The following PHF21B variants were observed in gnomAD, a reference collection of about 807,000 sequenced individuals.
PHF21B encodes PHD finger protein 21B.
Under a neutral mutation model 62.2 loss-of-function variants are expected in PHF21B, and 22 were observed. That is an observed-to-expected ratio of 0.35 (90% confidence interval 0.25 to 0.51). The LOEUF is 0.51. Ranked by LOEUF, PHF21B falls within the 20% of genes least tolerant of loss-of-function variation. PHF21B has a pLI of 0.97. For synonymous variants in PHF21B, 341 were observed against 314.7 expected (o/e 1.08, Z -0.88); for missense variants, 701 against 707.9 (o/e 0.99, Z 0.11).
intron 8 of PHF21B, 72 bp from the exon 9 acceptor site, chr22:44,889,854 T>A: frequency 7.0e-7 from 1 of 1,430,142 alleles, no homozygotes; most frequent in African/African-American, 1.5e-5. Context: ...CTGGAGTCCA[T>A]GAGGCCTCAT....
At chr22:44,946,352 C>T (rs1287079796) in intron 2 of PHF21B, among the ~76,000 whole-genome samples, 10 of 152,180 alleles carry the variant, frequency 6.6e-5, no homozygotes, top group African/African-American at 2.4e-4. Context: ...GCCCTCCCGA[C>T]ATGCCTACAA....
At position 45,009,043 on chromosome 22, in the gene PHF21B, C is replaced by A; in HGVS notation, c.55-433G>T. 8.8e-7 allele frequency: 1 copy of A among 1,137,208 alleles called. No homozygotes were observed. The highest frequency in any genetic ancestry group is 1.1e-6 in the Non-Finnish European group (1 of 927,042). 70.4% of individuals were successfully genotyped at this position (1,137,208 alleles called of 1,614,324 possible). ...CAACACACACACGCGCACGCCGAGC[C>A]CCGCTCAGGCTCCGGCCGCCACGCC... On this transcript the variant is annotated intron_variant, in intron 1 of 12. Coordinates refer to ENST00000313237, the MANE Select transcript of PHF21B (RefSeq NM_138415.5). This position sits in a 1 kb window ranked among gnomAD's most constrained non-coding sequence, Gnocchi z 5.9.
At chr22:44,907,131 G>A (rs1389381838) in intron 5 of PHF21B, among the ~76,000 whole-genome samples, 6 of 152,222 alleles carry the variant, frequency 3.9e-5, no homozygotes, top group Non-Finnish European at 8.8e-5. Context: ...AAACCCCAGG[G>A]CAGCTGAGGC....
At chr22:44,997,487 T>C (rs1197949805) in intron 2 of PHF21B, among the ~76,000 whole-genome samples, 1 of 152,116 alleles carries the variant, frequency 6.6e-6, no homozygotes, top group Non-Finnish European at 1.5e-5. Context: ...ACCCAGAGTT[T>C]AACAAATAAT....
intron 2 of PHF21B, among the ~76,000 whole-genome samples, chr22:44,995,463 T>G (rs374800596): frequency 1.8e-4 from 27 of 152,288 alleles, no homozygotes; most frequent in African/African-American, 6.5e-4. Context: ...TTCCACTTAC[T>G]TATCTAAATG....
intron 3 of PHF21B, among the ~76,000 whole-genome samples, chr22:44,917,528 A>G (rs1369390147): frequency 6.6e-6 from 1 of 152,098 alleles, no homozygotes; most frequent in Non-Finnish European, 1.5e-5. Context: ...GCCTTGAGAG[A>G]CAAGGGGACA....
intron 5 of PHF21B, among the ~76,000 whole-genome samples, chr22:44,898,474 A>C (rs1471335265): frequency 6.6e-6 from 1 of 152,132 alleles, no homozygotes; most frequent in Admixed American, 6.5e-5. Context: ...CCGTGCCCCC[A>C]TACCATACTT....
intron 2 of PHF21B, among the ~76,000 whole-genome samples, chr22:44,961,190 C>T (rs535911374): frequency 2.0e-5 from 3 of 151,868 alleles, no homozygotes; most frequent in African/African-American, 7.3e-5. Flanking sequence ...CTCTTGACCT[C>T]GTGATCCACC....
chr22:44,892,102 G>A (rs552413446), intron 7 of PHF21B, among the ~76,000 whole-genome samples: 4 of 152,196 alleles, frequency 2.6e-5, no homozygotes, highest in African/African-American at 7.2e-5. Flanking sequence ...GTAACGCCTC[G>A]TCCACACAGC....
At chr22:44,944,597 C>T (rs374158961) in intron 2 of PHF21B, among the ~76,000 whole-genome samples, 2 of 152,308 alleles carry the variant, frequency 1.3e-5, no homozygotes, top group African/African-American at 4.8e-5. Context: ...AAGTCCACTC[C>T]TGAGCCTGCC....
chr22:44,920,960 C>T (rs758819692), intron 2 of PHF21B, among the ~76,000 whole-genome samples: 1 of 152,228 alleles, frequency 6.6e-6, no homozygotes, highest in Non-Finnish European at 1.5e-5. Flanking sequence ...ATAAACAATG[C>T]TGCAGCGAAC....
rs891446090 is a variant in PHF21B at position 44,900,322 on chromosome 22, T to G, written c.832-4239A>C. Among the ~76,000 whole-genome samples the G allele has an allele frequency of 5.9e-5, 9 of 152,212 alleles. No homozygotes were observed. The East Asian group carries it at 1.5e-3, about 26-fold the overall frequency. On this transcript the variant is annotated intron_variant, in intron 5 of 12. Transcript: ENST00000313237. ...AACATTTCCTGAGCTCTCCAAAGAT[T>G]TACAACTTTTTTTTGTTGCCCAGAC...
intron 2 of PHF21B, among the ~76,000 whole-genome samples, chr22:44,983,955 G>A (rs935805068): frequency 2.0e-5 from 3 of 151,730 alleles, no homozygotes; most frequent in Non-Finnish European, 4.4e-5. Flanking sequence ...CTGGAGCTGG[G>A]CCCCTTTCCG....
chr22:45,008,931 G>T (rs1480274470), intron 1 of PHF21B: 1 of 1,111,288 alleles, frequency 9.0e-7, no homozygotes, highest in Non-Finnish European at 1.1e-6. Context: ...TGTGCCGGGG[G>T]AGGGGGGAGG....
chr22:44,972,379 A>G (rs1226707044), intron 2 of PHF21B, among the ~76,000 whole-genome samples: 1 of 152,196 alleles, frequency 6.6e-6, no homozygotes, highest in Non-Finnish European at 1.5e-5. Flanking sequence ...TCATTTTGTT[A>G]AGAGGGGAAA....
chr22:44,988,689 G>A (rs920068281), intron 2 of PHF21B, among the ~76,000 whole-genome samples: 1 of 152,322 alleles, frequency 6.6e-6, no homozygotes. Context: ...GTTTAATTGA[G>A]AAAGGTCTGC....
intron 5 of PHF21B, among the ~76,000 whole-genome samples, chr22:44,896,756 T>G (rs577107006): frequency 6.6e-6 from 1 of 152,232 alleles, no homozygotes; most frequent in Non-Finnish European, 1.5e-5. Flanking sequence ...CCTAGTTTTG[T>G]AATGACCATT....
chr22:44,969,191 G>A (rs1314547889), intron 2 of PHF21B: 5 of 152,264 alleles, frequency 3.3e-5, no homozygotes, highest in Admixed American at 1.3e-4. Flanking sequence ...GCTGGCATCA[G>A]TTTGCAGGAG....
Position 44,931,749 on chromosome 22 carries a change from G to A in PHF21B, c.121-11259C>T, listed in dbSNP as rs936157853. On this transcript the variant is annotated intron_variant, in intron 2 of 12. Coordinates refer to ENST00000313237, the MANE Select transcript of PHF21B (RefSeq NM_138415.5). ...CGGAAGTGGCAGCCTCTGAGGTCAC[G>A]CTAGTTCTGCCGTGGAGGGTGTCCG... Among the ~76,000 whole-genome samples, 14 of 152,070 alleles carry A rather than the reference G, an allele frequency of 9.2e-5. 1 individual carries two copies. The highest frequency in any genetic ancestry group is 1.8e-4 in the Non-Finnish European group (12 of 68,032).
Sources: gnomAD v4.1 joint callset for allele counts (sites outside exome capture counted in the v4.1 genomes callset) on GRCh38, gnomAD v4.1.1 for gene constraint, Gnocchi (gnomAD v3.1) non-coding constraint, MANE v1.5 for transcripts, NCBI Gene and HGNC (gene_info 2026-07-23, HGNC 2026-07-21) for gene names.